The following SULF1 variants were observed in gnomAD, a reference collection of about 807,000 sequenced individuals.
SULF1 encodes extracellular sulfatase Sulf-1.
SULF1 carries 46 observed loss-of-function variants against 110.5 expected under a neutral mutation model. That is an observed-to-expected ratio of 0.42 (90% CI 0.33 to 0.53). The LOEUF is 0.53. SULF1 is among the 20% of genes least tolerant of loss of function. The pLI, the probability that SULF1 is intolerant of heterozygous loss-of-function variation, is 0.12. For missense variants in SULF1, 941 were observed against 1,094.2 expected (o/e 0.86, Z 1.98); for synonymous variants, 371 against 387.1 (o/e 0.96, Z 0.49).
At chr8:69,524,775 T>C (rs1211404646) in intron 3 of SULF1, among the ~76,000 whole-genome samples, 1 of 152,188 alleles carries the variant, frequency 6.6e-6, no homozygotes, top group Non-Finnish European at 1.5e-5. Context: ...CATCAGAAAG[T>C]ATCAAGGGGC....
intron 1 of SULF1, among the ~76,000 whole-genome samples, chr8:69,480,899 AG>A (rs1298169693): frequency 2.6e-5 from 2 of 76,388 alleles, no homozygotes; most frequent in Non-Finnish European, 2.6e-5. Flanking sequence ...GGGATGGGGG[AG>A]GGGGGAGGGA....
intron 13 of SULF1, among the ~76,000 whole-genome samples, chr8:69,611,055 C>T (rs1374802060): frequency 6.6e-6 from 1 of 152,250 alleles, no homozygotes; most frequent in African/African-American, 2.4e-5. Flanking sequence ...GATCAAGGTG[C>T]TTTGGGATTA....
chr8:69,553,093 C>G (rs1482008408), intron 3 of SULF1, among the ~76,000 whole-genome samples: 3 of 152,184 alleles, frequency 2.0e-5, no homozygotes, highest in Non-Finnish European at 4.4e-5. Flanking sequence ...TCCAGAACAC[C>G]TCCTTCACAT....
At chr8:69,560,578 T>G (rs1815413473) in intron 3 of SULF1, among the ~76,000 whole-genome samples, 3 of 152,232 alleles carry the variant, frequency 2.0e-5, no homozygotes, top group African/African-American at 7.2e-5. Context: ...GAAAAACCTT[T>G]CTGCATTTCT....
intron 1 of SULF1, among the ~76,000 whole-genome samples, chr8:69,468,826 TC>T (rs1808966067): frequency 6.6e-6 from 1 of 152,208 alleles, no homozygotes; most frequent in Non-Finnish European, 1.5e-5. Flanking sequence ...CGGATTTTCC[TC>T]CCTGAGATGT....
rs1806831688 is a variant in SULF1 at position 69,590,656 on chromosome 8, GATGGAAGTGTTTTA to G, written c.734+1519_734+1532del. On this transcript the variant is annotated intron_variant, in intron 8 of 22. Transcript: ENST00000402687. ...ACTGAGCATGCCCAGGAACTCAGAG[GATGGAAGTGTTTTA>G]ATGCATAAAATATCATCGACAAATC... 2.0e-5 allele frequency among the ~76,000 whole-genome samples: 3 copies of G among 152,176 alleles called. No homozygotes were observed. In the South Asian group the frequency reaches 6.2e-4, roughly 32 times the overall value.
chr8:69,558,087 G>A (rs190586327), intron 3 of SULF1, among the ~76,000 whole-genome samples: 1 of 152,294 alleles, frequency 6.6e-6, no homozygotes, highest in East Asian at 1.9e-4. Context: ...GTGGATTCAT[G>A]TATCTTATAA....
chr8:69,594,074 G>A (rs1180840837), intron 8 of SULF1, among the ~76,000 whole-genome samples: 3 of 150,072 alleles, frequency 2.0e-5, no homozygotes, highest in African/African-American at 7.4e-5. Flanking sequence ...TTTTTGAGAT[G>A]GAGTTTCACT....
chr8:69,585,364 C>T (rs544496123), intron 6 of SULF1, among the ~76,000 whole-genome samples: 1 of 152,256 alleles, frequency 6.6e-6, no homozygotes, highest in South Asian at 2.1e-4. Flanking sequence ...CATCCTCTTG[C>T]TCTCTCAAAA....
chr8:69,538,169 G>T (rs577525135), intron 3 of SULF1, among the ~76,000 whole-genome samples: 3 of 151,840 alleles, frequency 2.0e-5, no homozygotes, highest in Non-Finnish European at 4.4e-5. Flanking sequence ...CACCGTGTTA[G>T]CCAGGATGTC....
chr8:69,625,449 G>C (rs1013434250), intron 15 of SULF1, among the ~76,000 whole-genome samples: 2 of 152,176 alleles, frequency 1.3e-5, no homozygotes, highest in African/African-American at 4.8e-5. Context: ...GCGGACCCTC[G>C]TGGTGAGTGT....
chr8:69,558,640 A>G (rs1324272522), intron 3 of SULF1, among the ~76,000 whole-genome samples: 4 of 152,222 alleles, frequency 2.6e-5, no homozygotes, highest in Non-Finnish European at 4.4e-5. Flanking sequence ...TTTAAGGAAA[A>G]AAAGTAAATG....
intron 2 of SULF1, among the ~76,000 whole-genome samples, chr8:69,499,801 G>A (rs1012387339): frequency 6.6e-6 from 1 of 151,994 alleles, no homozygotes; most frequent in Non-Finnish European, 1.5e-5. Context: ...CTAGACTGGA[G>A]AGCAGTGGTG....
At chr8:69,644,205 G>C (rs1371317244) in intron 22 of SULF1, among the ~76,000 whole-genome samples, 2 of 152,328 alleles carry the variant, frequency 1.3e-5, no homozygotes, top group East Asian at 1.9e-4. Context: ...ACACAGCCGT[G>C]TGTTCGTGCT....
chr8:69,632,338 C>T (rs908291372), intron 19 of SULF1, among the ~76,000 whole-genome samples: 1 of 152,146 alleles, frequency 6.6e-6, no homozygotes, highest in Non-Finnish European at 1.5e-5. Context: ...CACCTTATAT[C>T]AGGATCCTGT....
chr8:69,524,018 C>T (rs1812501557), intron 3 of SULF1, among the ~76,000 whole-genome samples: 1 of 152,000 alleles, frequency 6.6e-6, no homozygotes, highest in Non-Finnish European at 1.5e-5. Context: ...GAAGCAGGAG[C>T]TGAAATCATT....
chr8:69,530,941 C>T (rs1283518776), intron 3 of SULF1, among the ~76,000 whole-genome samples: 1 of 152,204 alleles, frequency 6.6e-6, no homozygotes, highest in South Asian at 2.1e-4. Context: ...ACCTACTGTA[C>T]TCCAGACAGA....
chr8:69,485,101 A>G (rs1809652512), intron 1 of SULF1, among the ~76,000 whole-genome samples: 1 of 152,216 alleles, frequency 6.6e-6, no homozygotes, highest in Non-Finnish European at 1.5e-5. Flanking sequence ...GAAAAGTGTC[A>G]GGATACACCT....
At chr8:69,655,447 G>A (rs192065624) in intron 22 of SULF1, among the ~76,000 whole-genome samples, 6 of 152,274 alleles carry the variant, frequency 3.9e-5, no homozygotes, top group African/African-American at 1.4e-4. Context: ...AACACCTATT[G>A]TGTTTCTATA....
Sources: gnomAD v4.1 joint callset for allele counts (sites outside exome capture counted in the v4.1 genomes callset) on GRCh38, gnomAD v4.1.1 for gene constraint, MANE v1.5 for transcripts, NCBI Gene and HGNC (gene_info 2026-07-23, HGNC 2026-07-21) for gene names.